The following DOCK1 variants were observed in gnomAD, a reference collection of about 807,000 sequenced individuals.
DOCK1 encodes the protein dedicator of cytokinesis protein 1.
DOCK1 carries 138 observed loss-of-function variants against 262.7 expected under a neutral mutation model. The observed-to-expected ratio is 0.53, with a 90% CI of 0.46 to 0.61. The LOEUF (loss-of-function observed/expected upper bound fraction) is 0.61, where lower values mean the gene tolerates loss of function less well. Ranked by LOEUF, DOCK1 falls within the 20% of genes least tolerant of loss-of-function variation. The probability of loss-of-function intolerance (pLI) is 0.00; values close to 1 mark genes in which losing one functional copy is unlikely to be tolerated. For synonymous variants in DOCK1, 866 were observed against 867.4 expected (o/e 1.00, Z 0.03); for missense variants, 1,908 against 2,370.7 (o/e 0.80, Z 4.05).
At chr10:126,953,408 G>T (rs1408655407) in intron 1 of DOCK1, among the ~76,000 whole-genome samples, 3 of 152,000 alleles carry the variant, frequency 2.0e-5, no homozygotes, top group African/African-American at 7.3e-5. Flanking sequence ...TATTGGTGAT[G>T]GTGGTGGTGG....
chr10:127,255,087 A>T (rs998777895), intron 28 of DOCK1, among the ~76,000 whole-genome samples: 1 of 152,196 alleles, frequency 6.6e-6, no homozygotes, highest in African/African-American at 2.4e-5. Flanking sequence ...ATTGTATAAG[A>T]CATCCTGTGA....
rs530797895 is a variant in DOCK1 at position 126,987,385 on chromosome 10, T to C, written c.228-136T>C. 38 of 633,618 alleles carry C rather than the reference T, an allele frequency of 6.0e-5. No homozygotes were observed. In the African/African-American group the frequency reaches 6.6e-4, roughly 11 times the overall value. 39.2% of individuals were successfully genotyped at this position (633,618 alleles called of 1,614,324 possible). A position where few individuals can be genotyped will look rare whatever the true frequency, so the allele number is the denominator to read the frequency against. ...AGACGTATGTATTTATATGTGTGCA[T>C]GCAGTCTTATTTGTAGATTTTCTTC... On this transcript the variant is annotated intron_variant, in intron 4 of 51. Coordinates refer to ENST00000623213, the MANE Select transcript of DOCK1 (RefSeq NM_001290223.2).
At chr10:127,356,767 G>A (rs991325617) in intron 32 of DOCK1, among the ~76,000 whole-genome samples, 54 of 152,182 alleles carry the variant, frequency 3.5e-4, no homozygotes, top group African/African-American at 1.3e-3. Context: ...GGGCTCTCAG[G>A]GCAGACCCCA....
chr10:126,990,409 G>C lies in DOCK1; in HGVS notation c.325-46G>C, dbSNP rs2039707265. On this transcript the variant is annotated intron_variant, in intron 5 of 51. Coordinates refer to ENST00000623213, the MANE Select transcript of DOCK1 (RefSeq NM_001290223.2). ...AGCCATTCTCTACCATCTCCACAATGCTGTTTTATAACAAAATCTTTCTGA... is the reference window on the plus strand; with the variant it reads ...AGCCATTCTCTACCATCTCCACAATCCTGTTTTATAACAAAATCTTTCTGA... 9.7e-6 allele frequency: 15 copies of C among 1,552,202 alleles called. No homozygotes were observed. The East Asian group carries it at 3.1e-4, about 32-fold the overall frequency.
At chr10:126,921,259 T>G (rs1224564840) in intron 1 of DOCK1, among the ~76,000 whole-genome samples, 4 of 150,622 alleles carry the variant, frequency 2.7e-5, no homozygotes, top group Non-Finnish European at 5.9e-5. Context: ...CGTAGCAGCA[T>G]TAGTCACAAT....
At chr10:127,064,575 A>C (rs1384888590) in intron 23 of DOCK1, among the ~76,000 whole-genome samples, 1 of 152,176 alleles carries the variant, frequency 6.6e-6, no homozygotes, top group Non-Finnish European at 1.5e-5. Context: ...AGGAAACTCC[A>C]CTGAGTGTGT....
chr10:127,355,474 G>A (rs72840198), intron 32 of DOCK1, among the ~76,000 whole-genome samples: 5,297 of 152,186 alleles, frequency 0.035, 141 homozygotes, highest in Non-Finnish European at 0.048. Flanking sequence ...GCTTTGTGCC[G>A]AGGTGTCCTA....
At chr10:127,067,953 A>G (rs1215854149) in intron 23 of DOCK1, among the ~76,000 whole-genome samples, 1 of 151,998 alleles carries the variant, frequency 6.6e-6, no homozygotes, top group Non-Finnish European at 1.5e-5. Flanking sequence ...ACACAGATGC[A>G]GAAGGTTTGT....
At chr10:127,052,584 C>G in intron 21 of DOCK1, 97 bp from the exon 22 acceptor site, 1 of 1,541,182 alleles carries the variant, frequency 6.5e-7, no homozygotes, top group Non-Finnish European at 8.8e-7. Flanking sequence ...AGATGGAAAC[C>G]AAATAAAAGT....
chr10:127,224,351 A>G (rs1449843355), intron 27 of DOCK1, among the ~76,000 whole-genome samples: 1 of 152,106 alleles, frequency 6.6e-6, no homozygotes, highest in Non-Finnish European at 1.5e-5. Context: ...ACTTGAGGTC[A>G]GGAGTTCAAG....
At chr10:127,020,736 C>T (rs564596053) in intron 13 of DOCK1, among the ~76,000 whole-genome samples, 63 of 152,126 alleles carry the variant, frequency 4.1e-4, no homozygotes, top group African/African-American at 1.2e-3. Context: ...CTCTGTTGGC[C>T]GAGTAATCAC....
intron 38 of DOCK1, among the ~76,000 whole-genome samples, chr10:127,400,184 A>AG (rs1491471292): frequency 2.7e-5 from 1 of 36,546 alleles, no homozygotes; most frequent in Non-Finnish European, 6.5e-5. Flanking sequence ...TACTCTCATC[A>AG]AAAAAAAAAA....
At chr10:127,232,117 G>A (rs1269713995) in intron 27 of DOCK1, among the ~76,000 whole-genome samples, 1 of 151,816 alleles carries the variant, frequency 6.6e-6, no homozygotes, top group East Asian at 1.9e-4. Context: ...GAGGGTACAG[G>A]TAGAGTACAA....
At chr10:127,093,219 T>TTTCTTTCTTTCTTTC (rs149382008) in intron 23 of DOCK1, among the ~76,000 whole-genome samples, 5 of 62,898 alleles carry the variant, frequency 7.9e-5, no homozygotes, top group African/African-American at 3.4e-4. Flanking sequence ...TCTTTCTTTC[T>TTTCTTTCTTTCTTTC]TTTCTTTCTT....
intron 27 of DOCK1, among the ~76,000 whole-genome samples, chr10:127,131,000 A>T (rs1441269383): frequency 1.3e-5 from 2 of 152,094 alleles, no homozygotes; most frequent in African/African-American, 2.4e-5. Flanking sequence ...CAACTCTAGG[A>T]TCTCCTTGCT....
At position 127,373,826 on chromosome 10, in the gene DOCK1, G is replaced by T; in HGVS notation, c.3478G>T (p.Gly1160Cys). The change falls in exon 34 of 52, where the codon GGC becomes TGC. Residue 1160 changes from glycine (G) to cysteine (C), a missense_variant. Coordinates refer to ENST00000623213, the MANE Select transcript of DOCK1 (RefSeq NM_001290223.2). ...ITKLDHEVEG[G>C]RGDEQYKVLF... ...CAAGCTGGATCATGAAGTCGAAGGA[G>T]GCAGAGGAGACGAACAGTACAAAGT... The T allele has an allele frequency of 6.2e-7, 1 of 1,611,696 alleles. No individual in the cohort carries two copies. The highest frequency in any genetic ancestry group is 2.2e-5 in the East Asian group (1 of 44,858).
intron 29 of DOCK1, among the ~76,000 whole-genome samples, chr10:127,320,563 G>A (rs2062475586): frequency 6.6e-6 from 1 of 152,318 alleles, no homozygotes; most frequent in Non-Finnish European, 1.5e-5. Flanking sequence ...AGCAGTGTGA[G>A]GAATGGGCTC....
chr10:126,915,284 C>T lies in DOCK1; in HGVS notation c.46+9721C>T, dbSNP rs73382551. 8.4e-3 allele frequency among the ~76,000 whole-genome samples: 1,273 copies of T among 152,268 alleles called. 15 individuals carry two copies. The highest frequency in any genetic ancestry group is 0.028 in the African/African-American group (1,176 of 41,556). On this transcript the variant is annotated intron_variant, in intron 1 of 51. Transcript: ENST00000623213. Reference sequence around the variant, plus strand: ...ACAGATGTTCATGTCCCTATAAAGACGGAAGTGATGCCAAGGACAGACGCC... The same window carrying T: ...ACAGATGTTCATGTCCCTATAAAGATGGAAGTGATGCCAAGGACAGACGCC...
intron 25 of DOCK1, among the ~76,000 whole-genome samples, chr10:127,116,681 C>T (rs2049202466): frequency 6.6e-6 from 1 of 152,132 alleles, no homozygotes; most frequent in African/African-American, 2.4e-5. Flanking sequence ...TTGAGCTTTA[C>T]TGTTGTGGAA....
Sources: gnomAD v4.1 joint callset for allele counts (sites outside exome capture counted in the v4.1 genomes callset) on GRCh38, gnomAD v4.1.1 for gene constraint, MANE v1.5 for transcripts, NCBI Gene and HGNC (gene_info 2026-07-23, HGNC 2026-07-21) for gene names.